The following REEP3 variants were observed in gnomAD, a reference collection of about 807,000 sequenced individuals.
REEP3 encodes the protein receptor expression-enhancing protein 3.
Under a neutral mutation model 41.3 loss-of-function variants are expected in REEP3, and 20 were observed. The ratio of observed to expected loss-of-function variants is 0.48; its 90% CI spans 0.34 to 0.70. REEP3 has a LOEUF of 0.70. Among genes scored for constraint, REEP3 ranks in the 30% least tolerant of loss-of-function variants. REEP3 has a pLI of 0.01. For synonymous variants in REEP3, 104 were observed against 101.8 expected (o/e 1.02, Z -0.13); for missense variants, 271 against 308.8 (o/e 0.88, Z 0.92).
At chr10:63,522,922 A>T (rs1456582509) in intron 1 of REEP3, among the ~76,000 whole-genome samples, 2 of 151,312 alleles carry the variant, frequency 1.3e-5, no homozygotes, top group Admixed American at 6.6e-5. Flanking sequence ...TCTGTCATTT[A>T]TCTAATTCAG....
At chr10:63,618,623 T>C (rs1956330596) in intron 6 of REEP3, among the ~76,000 whole-genome samples, 1 of 152,232 alleles carries the variant, frequency 6.6e-6, no homozygotes. Context: ...CTTGGGCCCC[T>C]GTCTTGCTGT....
rs1483592680 is a variant in REEP3, at chr10:63,621,218, C to T, written c.*349C>T. ...CTTTTTACGGTTCAGGATAAATCAG[C>T]CTTTGTGATGTACTGTGTTTACCTC... On this transcript the variant is annotated 3_prime_UTR_variant, in exon 8 of 8. Transcript: ENST00000373758. 1 of 173,430 alleles carries T rather than the reference C, an allele frequency of 5.8e-6. No individual in the cohort carries two copies. Among genetic ancestry groups the T allele is most frequent in the African/African-American group, 2.4e-5 (1 of 41,970 alleles). 10.7% of individuals were successfully genotyped at this position (173,430 alleles called of 1,614,324 possible). A position where few individuals can be genotyped will look rare whatever the true frequency, so the allele number is the denominator to read the frequency against.
intron 1 of REEP3, among the ~76,000 whole-genome samples, chr10:63,543,060 C>T (rs1311111062): frequency 1.3e-5 from 2 of 152,162 alleles, no homozygotes; most frequent in Non-Finnish European, 2.9e-5. Flanking sequence ...AATGATTCAC[C>T]CCTGGCTTTC....
chr10:63,601,169 CA>C (rs1158352585), intron 5 of REEP3, among the ~76,000 whole-genome samples: 4 of 151,978 alleles, frequency 2.6e-5, no homozygotes, highest in Non-Finnish European at 5.9e-5. Flanking sequence ...AAAAGCATGT[CA>C]CATTTAAATG....
chr10:63,528,700 G>A (rs1216042166), intron 1 of REEP3, among the ~76,000 whole-genome samples: 1 of 152,094 alleles, frequency 6.6e-6, no homozygotes, highest in East Asian at 1.9e-4. Flanking sequence ...CTACCTGCCC[G>A]CTGCCATTAT....
At chr10:63,542,819 C>T (rs1305038733) in intron 1 of REEP3, among the ~76,000 whole-genome samples, 5 of 152,008 alleles carry the variant, frequency 3.3e-5, no homozygotes, top group Admixed American at 6.6e-5. Flanking sequence ...ACAGTTTGAC[C>T]GTAAGTCTAA....
rs377025810 is a variant in REEP3, at chr10:63,584,042, G to C, written c.106-10736G>C. Among the ~76,000 whole-genome samples, 6 of 152,248 alleles carry C rather than the reference G, an allele frequency of 3.9e-5. No individual in the cohort carries two copies. In the East Asian group the frequency reaches 1.2e-3, roughly 29 times the overall value. On this transcript the variant is annotated intron_variant, in intron 2 of 7. Transcript: ENST00000373758. Reference sequence around the variant, plus strand: ...AGTTTCTTAGACTCTACTGAGGTCAGGGTTGAGATATATAAGGCTTCTCTG... The same window carrying C: ...AGTTTCTTAGACTCTACTGAGGTCACGGTTGAGATATATAAGGCTTCTCTG...
intron 1 of REEP3, among the ~76,000 whole-genome samples, chr10:63,541,658 A>T (rs1036070276): frequency 2.0e-5 from 3 of 152,142 alleles, no homozygotes; most frequent in African/African-American, 4.8e-5. Context: ...GAAGGTTAAT[A>T]AACTCTCCAG....
chr10:63,589,418 G>T (rs1360425822), intron 2 of REEP3, among the ~76,000 whole-genome samples: 1 of 152,048 alleles, frequency 6.6e-6, no homozygotes, highest in Non-Finnish European at 1.5e-5. Flanking sequence ...ATCATCTCTG[G>T]CCTCCTTTGG....
Position 63,588,533 on chromosome 10 carries a change from C to A in REEP3, c.106-6245C>A, listed in dbSNP as rs140376612. On this transcript the variant is annotated intron_variant, in intron 2 of 7. Transcript: ENST00000373758. ...ACTTTCTAGCCTTTTGCAGTTCTTA[C>A]CAAAAGGAACACATTAAGCTATGTG... 3.9e-5 allele frequency among the ~76,000 whole-genome samples: 6 copies of A among 152,270 alleles called. No individual in the cohort carries two copies. The East Asian group carries it at 1.2e-3, about 29-fold the overall frequency.
At chr10:63,537,999 G>A (rs1955491426) in intron 1 of REEP3, among the ~76,000 whole-genome samples, 1 of 134,460 alleles carries the variant, frequency 7.4e-6, no homozygotes, top group Admixed American at 8.5e-5. Context: ...GATAACAGTT[G>A]TTTTCTTGTC....
chr10:63,561,724 G>A (rs1002815631), intron 1 of REEP3, among the ~76,000 whole-genome samples: 3 of 152,170 alleles, frequency 2.0e-5, no homozygotes, highest in African/African-American at 7.2e-5. Context: ...TACTGGCCAC[G>A]AGTTTGAAAA....
At chr10:63,527,628 C>T (rs1955378291) in intron 1 of REEP3, among the ~76,000 whole-genome samples, 1 of 152,044 alleles carries the variant, frequency 6.6e-6, no homozygotes, top group South Asian at 2.1e-4. Context: ...CTGCAGTGAG[C>T]CATGAGCATG....
intron 1 of REEP3, among the ~76,000 whole-genome samples, chr10:63,553,557 T>C (rs551595056): frequency 7.2e-5 from 11 of 152,294 alleles, no homozygotes; most frequent in Admixed American, 7.2e-4. Context: ...GCTTAGACTG[T>C]ACATTAGGTA....
chr10:63,597,659 C>G (rs570972101), intron 3 of REEP3, among the ~76,000 whole-genome samples: 20 of 152,198 alleles, frequency 1.3e-4, no homozygotes, highest in Non-Finnish European at 1.8e-4. Flanking sequence ...CGCCTGTAAT[C>G]CCACCACTTT....
chr10:63,584,466 GTC>G (rs1955985981), intron 2 of REEP3, among the ~76,000 whole-genome samples: 1 of 146,572 alleles, frequency 6.8e-6, no homozygotes, highest in South Asian at 2.2e-4. Flanking sequence ...TTCAGCCACA[GTC>G]TCTAGTCACT....
At chr10:63,545,843 A>G (rs1955574285) in intron 1 of REEP3, among the ~76,000 whole-genome samples, 1 of 151,970 alleles carries the variant, frequency 6.6e-6, no homozygotes, top group Non-Finnish European at 1.5e-5. Flanking sequence ...TTATGGTGTT[A>G]CATTTCTGTT....
At chr10:63,619,263 C>A (rs1377272741) in intron 6 of REEP3, among the ~76,000 whole-genome samples, 2 of 152,162 alleles carry the variant, frequency 1.3e-5, no homozygotes, top group Non-Finnish European at 2.9e-5. Flanking sequence ...GTGCAAATGA[C>A]AGACTAAAAC....
chr10:63,527,953 G>GTTTTTTTT (rs59473384), intron 1 of REEP3, among the ~76,000 whole-genome samples: 1 of 139,962 alleles, frequency 7.1e-6, no homozygotes. Flanking sequence ...GCTTTTTTTT[G>GTTTTTTTT]TTTTTTTTTT....
Sources: gnomAD v4.1 joint callset for allele counts (sites outside exome capture counted in the v4.1 genomes callset) on GRCh38, gnomAD v4.1.1 for gene constraint, MANE v1.5 for transcripts, NCBI Gene and HGNC (gene_info 2026-07-23, HGNC 2026-07-21) for gene names.